Variants in ST3GAL3 observed in about 807,000 individuals in gnomAD.
ST3GAL3 encodes the protein CMP-N-acetylneuraminate-beta-1,4-galactoside alpha-2,3-sialyltransferase.
In ST3GAL3, 21 loss-of-function variants were observed where a neutral mutation model predicts 50.1. The ratio of observed to expected loss-of-function variants is 0.42; its 90% CI spans 0.30 to 0.60. The LOEUF is 0.60. Among genes scored for constraint, ST3GAL3 ranks in the 20% least tolerant of loss-of-function variants. The pLI is 0.19. For missense variants in ST3GAL3, 353 were observed against 489.4 expected (o/e 0.72, Z 2.63); for synonymous variants, 183 against 190.0 (o/e 0.96, Z 0.30).
chr1:43,907,538 G>T lies in ST3GAL3; in HGVS notation c.744+7811G>T, dbSNP rs972907599. Reference sequence around the variant, plus strand: ...ACCTCCATCCTATTCCAAAGAAATTGCATGTCCAGCTGCACAGGGAAAATA... The same window carrying T: ...ACCTCCATCCTATTCCAAAGAAATTTCATGTCCAGCTGCACAGGGAAAATA... On this transcript the variant is annotated intron_variant, in intron 9 of 11. Transcript: ENST00000347631. Among the ~76,000 whole-genome samples the T allele has an allele frequency of 6.6e-5, 10 of 152,218 alleles. No individual in the cohort carries two copies. The East Asian group carries it at 1.2e-3, about 18-fold the overall frequency.
At chr1:43,734,308 GTT>G (rs11338876) in intron 1 of ST3GAL3, among the ~76,000 whole-genome samples, 26 of 113,296 alleles carry the variant, frequency 2.3e-4, no homozygotes, top group Non-Finnish European at 3.6e-4. Flanking sequence ...TTTTTTTTTT[GTT>G]TTTTTTTTTT....
intron 1 of ST3GAL3, among the ~76,000 whole-genome samples, chr1:43,714,065 G>T (rs1414407450): frequency 6.7e-6 from 1 of 148,274 alleles, no homozygotes; most frequent in Non-Finnish European, 1.5e-5. Context: ...GGAGTTCGAG[G>T]CCAGCCTGGC....
In ST3GAL3 at chr1:43,838,206, T is replaced by G; in HGVS notation, c.210-13T>G. On this transcript the variant is annotated splice_polypyrimidine_tract_variant and intron_variant, in intron 4 of 11. Coordinates refer to ENST00000347631, the MANE Select transcript of ST3GAL3 (RefSeq NM_006279.5). The stretch of plus-strand genomic sequence containing the variant: ...GTGCCTGGCAAGCTGTAACTTTCCT[T>G]CTCTTCCCATAGGCCTGCTGAATTA... The G allele has an allele frequency of 6.2e-7, 1 of 1,608,060 alleles. No homozygotes were observed. Among genetic ancestry groups the G allele is most frequent in the Non-Finnish European group, 8.5e-7 (1 of 1,176,236 alleles).
chr1:43,856,683 AT>A (rs955566350), intron 5 of ST3GAL3, among the ~76,000 whole-genome samples: 15 of 152,120 alleles, frequency 9.9e-5, no homozygotes, highest in Non-Finnish European at 1.9e-4. Flanking sequence ...AAGAATTGCC[AT>A]TTGTGTCCTC....
intron 1 of ST3GAL3, among the ~76,000 whole-genome samples, chr1:43,724,152 G>A (rs16831102): frequency 0.012 from 1,871 of 152,154 alleles, 39 homozygotes; most frequent in African/African-American, 0.043. Context: ...TTTTTGGAAT[G>A]TGTACAAATT....
intron 9 of ST3GAL3, among the ~76,000 whole-genome samples, chr1:43,917,976 C>T (rs958397095): frequency 6.6e-5 from 10 of 151,224 alleles, no homozygotes; most frequent in African/African-American, 1.9e-4. Context: ...CCTTATTTTG[C>T]GTATATTTTT....
chr1:43,885,610 T>G (rs1006511211), intron 5 of ST3GAL3, among the ~76,000 whole-genome samples: 41 of 152,170 alleles, frequency 2.7e-4, no homozygotes, highest in African/African-American at 9.7e-4. Context: ...GCCCCCAAAC[T>G]GGCACACTGG....
At chr1:43,795,193 A>G (rs1442324582) in intron 3 of ST3GAL3, among the ~76,000 whole-genome samples, 2 of 152,230 alleles carry the variant, frequency 1.3e-5, no homozygotes, top group East Asian at 3.8e-4. Context: ...TGGAGTTATA[A>G]AAAGATCTTG....
intron 5 of ST3GAL3, among the ~76,000 whole-genome samples, chr1:43,888,167 G>T (rs1357176658): frequency 1.3e-5 from 2 of 152,122 alleles, no homozygotes; most frequent in Non-Finnish European, 2.9e-5. Context: ...GATAAAATTG[G>T]ATCTGGTCTT....
intron 5 of ST3GAL3, among the ~76,000 whole-genome samples, chr1:43,872,467 G>A (rs1322549571): frequency 6.6e-6 from 1 of 151,740 alleles, no homozygotes. Flanking sequence ...GAGAGGGAGG[G>A]CATGGCAGAT....
At chr1:43,838,390 C>T in intron 5 of ST3GAL3, 79 bp downstream of exon 5, 1 of 1,280,582 alleles carries the variant, frequency 7.8e-7, no homozygotes, top group Non-Finnish European at 1.1e-6. Context: ...CTCTCACAGC[C>T]AGTCATGTTC....
rs1553281767 is a variant in ST3GAL3, at chr1:43,756,116, A to AAAG, written c.118+19748_118+19750dup. Among the ~76,000 whole-genome samples the AAAG allele has an allele frequency of 3.0e-3, 414 of 136,908 alleles. 46 individuals are homozygous for AAAG. The highest frequency in any genetic ancestry group is 8.6e-3 in the Middle Eastern group (2 of 232). 89.8% of individuals were successfully genotyped at this position (136,908 alleles called of 152,430 possible). On this transcript the variant is annotated intron_variant, in intron 2 of 11. Transcript: ENST00000347631. ...AACCAGTCTCAAAAAAAAAAAAAAA[A>AAAG]AAGAAGAAGAAGAAAAGAAAAGGAA...
chr1:43,805,226 A>G (rs2059739117), intron 3 of ST3GAL3, among the ~76,000 whole-genome samples: 1 of 152,232 alleles, frequency 6.6e-6, no homozygotes, highest in African/African-American at 2.4e-5. Flanking sequence ...TCTAGGTTGC[A>G]GGAACAAGTG....
intron 1 of ST3GAL3, chr1:43,716,658 A>G (rs1180067853): frequency 6.6e-6 from 1 of 151,998 alleles, no homozygotes; most frequent in Non-Finnish European, 1.5e-5. Context: ...TGGCGGTACC[A>G]CACACTCTAC....
chr1:43,920,180 A>C, intron 9 of ST3GAL3: 1 of 599,534 alleles, frequency 1.7e-6, no homozygotes, highest in South Asian at 1.9e-5. Context: ...CCTCTGTTAC[A>C]CACTGGAGCC....
At chr1:43,929,126 T>C (rs928192327) in intron 11 of ST3GAL3, among the ~76,000 whole-genome samples, 1 of 152,124 alleles carries the variant, frequency 6.6e-6, no homozygotes, top group Non-Finnish European at 1.5e-5. Context: ...AAGCCTCTTC[T>C]AGTAATTTTG....
intron 1 of ST3GAL3, among the ~76,000 whole-genome samples, chr1:43,725,214 C>CT (rs200024998): frequency 0.013 from 2,007 of 151,784 alleles, 51 homozygotes; most frequent in African/African-American, 0.047. Flanking sequence ...TCTTTTCTTT[C>CT]TTTTTTTTGA....
At chr1:43,817,491 CCTT>C (rs1241072483) in intron 4 of ST3GAL3, among the ~76,000 whole-genome samples, 5 of 148,250 alleles carry the variant, frequency 3.4e-5, no homozygotes, top group African/African-American at 7.5e-5. Context: ...TTCTTCTTCT[CCTT>C]CTCCTCCTTT....
chr1:43,838,397 G>C lies in ST3GAL3; in HGVS notation c.302+86G>C, dbSNP rs555382377. On this transcript the variant is annotated intron_variant, in intron 5 of 11. Transcript: ENST00000347631. ...AACTCTGCCTCTCACAGCCAGTCATGTTCTCCTATGCTCTGGAAACCATGG... is the reference window on the plus strand; with the variant it reads ...AACTCTGCCTCTCACAGCCAGTCATCTTCTCCTATGCTCTGGAAACCATGG... 8.1e-5 allele frequency: 100 copies of C among 1,229,274 alleles called. No individual in the cohort carries two copies. The South Asian group carries it at 1.2e-3, about 14-fold the overall frequency. 76.1% of individuals were successfully genotyped at this position (1,229,274 alleles called of 1,614,324 possible). A position where few individuals can be genotyped will look rare whatever the true frequency, so the allele number is the denominator to read the frequency against.
Sources: allele counts gnomAD v4.1 joint callset (sites outside exome capture counted in the v4.1 genomes callset), GRCh38; gene constraint gnomAD v4.1.1; transcripts MANE v1.5; gene names NCBI Gene and HGNC (gene_info 2026-07-23, HGNC 2026-07-21).